Variants in GATAD2B observed in about 807,000 individuals in gnomAD.
The protein encoded by GATAD2B is transcriptional repressor p66-beta.
GATAD2B carries 8 observed loss-of-function variants against 64.3 expected under a neutral mutation model. The observed-to-expected ratio is 0.12, with a 90% CI of 0.07 to 0.22. The LOEUF (loss-of-function observed/expected upper bound fraction) is 0.22, where lower values mean the gene tolerates loss of function less well. Among genes scored for constraint, GATAD2B ranks in the 10% least tolerant of loss-of-function variants. The pLI is 1.00. For synonymous variants in GATAD2B, 281 were observed against 271.3 expected (o/e 1.04, Z -0.35); for missense variants, 453 against 752.0 (o/e 0.60, Z 4.65).
Position 153,817,585 on chromosome 1 carries a change from G to A in GATAD2B, c.730-43C>T, listed in dbSNP as rs374621518. On this transcript the variant is annotated intron_variant, in intron 5 of 10. Coordinates refer to ENST00000368655, the MANE Select transcript of GATAD2B (RefSeq NM_020699.4). ...GAAAAGAACTAATCACAGGTTGTAC[G>A]CTGTGTATAATACAGCACAAAATGC... 74 of 1,460,700 alleles carry A rather than the reference G, an allele frequency of 5.1e-5. No homozygotes were observed. In the African/African-American group the frequency reaches 8.4e-4, roughly 17 times the overall value. The allele number at this position is 1,460,700 out of a possible 1,614,324, so 90.5% of individuals were successfully genotyped here. A position where few individuals can be genotyped will look rare whatever the true frequency, so the allele number is the denominator to read the frequency against.
chr1:153,815,081 CAAAAAAAAAAAAA>C (rs58874063), intron 7 of GATAD2B, among the ~76,000 whole-genome samples: 13 of 25,380 alleles, frequency 5.1e-4, no homozygotes, highest in African/African-American at 1.3e-3. Flanking sequence ...GACTCTGTCT[CAAAAAAAAAAAAA>C]AAAAAAAAAA....
At chr1:153,845,126 T>G (rs1262640847) in intron 1 of GATAD2B, among the ~76,000 whole-genome samples, 1 of 152,000 alleles carries the variant, frequency 6.6e-6, no homozygotes, top group Non-Finnish European at 1.5e-5. Context: ...AAATCAAACT[T>G]CTAGAGATGA....
intron 7 of GATAD2B, among the ~76,000 whole-genome samples, chr1:153,815,072 ACT>A (rs1290241786): frequency 9.2e-6 from 1 of 109,264 alleles, no homozygotes; most frequent in Non-Finnish European, 1.8e-5. Flanking sequence ...ACAGAGTAAG[ACT>A]CTGTCTCAAA....
At chr1:153,822,483 G>C (rs1297917679) in intron 2 of GATAD2B, among the ~76,000 whole-genome samples, 1 of 152,156 alleles carries the variant, frequency 6.6e-6, no homozygotes, top group African/African-American at 2.4e-5. Flanking sequence ...CCGGTATTAG[G>C]TAGATAGCAC....
chr1:153,821,522 C>A (rs1674683685), intron 2 of GATAD2B, among the ~76,000 whole-genome samples: 1 of 152,116 alleles, frequency 6.6e-6, no homozygotes, highest in Admixed American at 6.6e-5. Flanking sequence ...AAGAGCCTTT[C>A]ATTCTCTAAC....
chr1:153,841,439 T>C (rs1474115829), intron 1 of GATAD2B, among the ~76,000 whole-genome samples: 5 of 152,284 alleles, frequency 3.3e-5, no homozygotes, highest in African/African-American at 1.2e-4. Context: ...ACATCTACCC[T>C]ATCCCCTCCC....
chr1:153,837,801 TA>T (rs1192351236), intron 1 of GATAD2B, among the ~76,000 whole-genome samples: 1 of 152,196 alleles, frequency 6.6e-6, no homozygotes. Context: ...ACTTATCACA[TA>T]AATATTCCTC....
At chr1:153,896,470 CTT>C (rs1335031422) in intron 1 of GATAD2B, among the ~76,000 whole-genome samples, 51 of 136,418 alleles carry the variant, frequency 3.7e-4, no homozygotes, top group Non-Finnish European at 1.1e-4. Flanking sequence ...GAGTTTCGCT[CTT>C]GTTGCCCAGG....
At chr1:153,895,202 C>G (rs1677549514) in intron 1 of GATAD2B, among the ~76,000 whole-genome samples, 2 of 151,944 alleles carry the variant, frequency 1.3e-5, no homozygotes, top group African/African-American at 2.4e-5. Context: ...CGTGGTGGAA[C>G]GTGCCTGTAG....
intron 1 of GATAD2B, among the ~76,000 whole-genome samples, chr1:153,854,702 TA>T (rs985742982): frequency 6.6e-6 from 1 of 152,186 alleles, no homozygotes; most frequent in Non-Finnish European, 1.5e-5. Context: ...CATTATAAAA[TA>T]TGCTGGTCTG....
intron 1 of GATAD2B, among the ~76,000 whole-genome samples, chr1:153,893,943 C>G (rs1570995696): frequency 1.1e-5 from 1 of 90,678 alleles, no homozygotes; most frequent in African/African-American, 4.3e-5. Flanking sequence ...GGTGACTGAA[C>G]AAGACTCCAT....
At chr1:153,847,438 G>T (rs557065308) in intron 1 of GATAD2B, among the ~76,000 whole-genome samples, 1 of 152,076 alleles carries the variant, frequency 6.6e-6, no homozygotes, top group Non-Finnish European at 1.5e-5. Flanking sequence ...AGCCTGAAGC[G>T]CACTGGTAAA....
chr1:153,884,542 C>CA, intron 1 of GATAD2B, among the ~76,000 whole-genome samples: 1 of 152,262 alleles, frequency 6.6e-6, no homozygotes, highest in Admixed American at 6.5e-5. Flanking sequence ...GATGACGCTG[C>CA]AGTGAGCCGA....
intron 1 of GATAD2B, among the ~76,000 whole-genome samples, chr1:153,904,863 C>T (rs1677879237): frequency 1.3e-5 from 2 of 152,160 alleles, no homozygotes; most frequent in South Asian, 4.1e-4. Context: ...CCTGCCACCA[C>T]ATCTGGCTAA....
intron 1 of GATAD2B, chr1:153,852,168 A>G: frequency 1.2e-6 from 1 of 818,262 alleles, no homozygotes; most frequent in South Asian, 1.5e-5. Context: ...TTTGGTCCTA[A>G]GCATTCTGAG....
rs960041415 is a variant in GATAD2B at position 153,805,795 on chromosome 1, G to C, written c.*4382C>G. The stretch of plus-strand genomic sequence containing the variant: ...AAGATCATATAGCAAGTTAGTAGGA[G>C]ACCCCAGGTCTCCAGATTGTAGCCC... On this transcript the variant is annotated 3_prime_UTR_variant, in exon 11 of 11. Coordinates refer to ENST00000368655, the MANE Select transcript of GATAD2B (RefSeq NM_020699.4). 1 of 152,152 alleles carries C rather than the reference G, an allele frequency of 6.6e-6. No individual in the cohort carries two copies. The allele number at this position is 152,152 out of a possible 1,614,324, so 9.4% of individuals were successfully genotyped here. A position where few individuals can be genotyped will look rare whatever the true frequency, so the allele number is the denominator to read the frequency against.
intron 1 of GATAD2B, chr1:153,853,029 T>A (rs1282130471): frequency 6.9e-7 from 1 of 1,442,558 alleles, no homozygotes; most frequent in Non-Finnish European, 9.7e-7. Flanking sequence ...CTGTGATGAA[T>A]CCTTGGCCCC....
intron 1 of GATAD2B, among the ~76,000 whole-genome samples, chr1:153,859,945 C>A (rs1443713149): frequency 9.5e-6 from 1 of 104,858 alleles, no homozygotes; most frequent in Non-Finnish European, 1.7e-5. Context: ...TGAGACAGAG[C>A]CTTGCTCTGT....
At chr1:153,920,441 C>T (rs1557837702) in intron 1 of GATAD2B, among the ~76,000 whole-genome samples, 1 of 152,232 alleles carries the variant, frequency 6.6e-6, no homozygotes. Flanking sequence ...TCTGCCACCA[C>T]CCTGTGGCCC....
Sources: gnomAD v4.1 joint callset for allele counts (sites outside exome capture counted in the v4.1 genomes callset) on GRCh38, gnomAD v4.1.1 for gene constraint, MANE v1.5 for transcripts, NCBI Gene and HGNC (gene_info 2026-07-23, HGNC 2026-07-21) for gene names.